DCP1A: variants seen among roughly 807,000 people sequenced by gnomAD.
The protein encoded by DCP1A is decapping mRNA 1A, also known as mRNA-decapping enzyme 1A.
Under a neutral mutation model 58.0 loss-of-function variants are expected in DCP1A, and 20 were observed. That is an observed-to-expected ratio of 0.34 (90% CI 0.24 to 0.50). The LOEUF (loss-of-function observed/expected upper bound fraction) is 0.50, where lower values mean the gene tolerates loss of function less well. Ranked by LOEUF, DCP1A falls within the 20% of genes least tolerant of loss-of-function variation. The pLI, the probability that DCP1A is intolerant of heterozygous loss-of-function variation, is 0.98. For missense variants in DCP1A, 613 were observed against 712.2 expected, an observed-to-expected ratio of 0.86 and a Z score of 1.59; for synonymous variants, 285 against 275.1, an observed-to-expected ratio of 1.04 and a Z score of -0.36.
intron 6 of DCP1A, among the ~76,000 whole-genome samples, chr3:53,301,896 A>G (rs1168171616): frequency 3.9e-5 from 6 of 152,248 alleles, no homozygotes; most frequent in Non-Finnish European, 8.8e-5. Context: ...TATTCTTGAA[A>G]TGACATTATA....
chr3:53,344,753 C>T, intron 2 of DCP1A, 149 bp downstream of exon 2: 1 of 527,382 alleles, frequency 1.9e-6, no homozygotes, highest in South Asian at 3.0e-5. Flanking sequence ...AAGAAAGAAC[C>T]TGGTTAAGAT....
At chr3:53,345,292 G>A (rs1553693033) in intron 1 of DCP1A, among the ~76,000 whole-genome samples, 1 of 152,108 alleles carries the variant, frequency 6.6e-6, no homozygotes, top group African/African-American at 2.4e-5. Flanking sequence ...CTAAGGTCCT[G>A]TATACTGCAA....
intron 3 of DCP1A, among the ~76,000 whole-genome samples, chr3:53,340,994 T>C (rs1387839933): frequency 6.6e-6 from 1 of 152,138 alleles, no homozygotes; most frequent in Non-Finnish European, 1.5e-5. Flanking sequence ...ACTGTATCGT[T>C]AACATTAAAG....
intron 5 of DCP1A, among the ~76,000 whole-genome samples, chr3:53,307,525 G>A (rs1279357008): frequency 6.6e-6 from 1 of 152,126 alleles, no homozygotes; most frequent in Non-Finnish European, 1.5e-5. Context: ...CAATTCTTAA[G>A]TATAAGCAAT....
In DCP1A at chr3:53,292,600, G is replaced by A; in HGVS notation, c.852C>T (p.Val284=). 1 of 1,613,860 alleles carries A rather than the reference G, an allele frequency of 6.2e-7. No homozygotes were observed. Among genetic ancestry groups the A allele is most frequent in the Non-Finnish European group, 8.5e-7 (1 of 1,179,842 alleles). ...LGVPSAAHHS[V]QPEITTPVLI... ...GCACCGGGGTGGTGATTTCAGGCTG[G>A]ACTGAATGGTGGGCAGCAGAAGGGA... The change falls in exon 7 of 10, where the codon GTC becomes GTT. Residue 284 remains valine, a synonymous_variant. Transcript: ENST00000610213.
At chr3:53,301,083 G>A (rs1222921460) in intron 6 of DCP1A, among the ~76,000 whole-genome samples, 1 of 152,088 alleles carries the variant, frequency 6.6e-6, no homozygotes, top group African/African-American at 2.4e-5. Flanking sequence ...TTTAGAAAGG[G>A]GAAGTAGTAA....
At chr3:53,295,995 C>A (rs572024767) in intron 6 of DCP1A, among the ~76,000 whole-genome samples, 1 of 151,558 alleles carries the variant, frequency 6.6e-6, no homozygotes, top group South Asian at 2.1e-4. Context: ...CAGGTTCAAG[C>A]GATTCTTATG....
chr3:53,327,506 C>A (rs1311444715), intron 3 of DCP1A, among the ~76,000 whole-genome samples: 1 of 152,188 alleles, frequency 6.6e-6, no homozygotes, highest in East Asian at 1.9e-4. Context: ...AAAGAAAAAG[C>A]TGGCCGGGTG....
intron 3 of DCP1A, among the ~76,000 whole-genome samples, chr3:53,320,391 G>GA (rs34637646): frequency 0.7 from 106,064 of 151,820 alleles, 37,818 homozygotes; most frequent in Non-Finnish European, 0.77. Flanking sequence ...AGGTAGAGTA[G>GA]AATACTGAAC....
chr3:53,332,429 T>C (rs1553691409), intron 3 of DCP1A, among the ~76,000 whole-genome samples: 1 of 152,258 alleles, frequency 6.6e-6, no homozygotes, highest in Non-Finnish European at 1.5e-5. Flanking sequence ...TGGCTTCTTG[T>C]TTTTAAAAAT....
chr3:53,291,467 C>T (rs543218743), intron 7 of DCP1A, among the ~76,000 whole-genome samples: 1 of 151,112 alleles, frequency 6.6e-6, no homozygotes, highest in South Asian at 2.1e-4. Flanking sequence ...ATCCCCACCT[C>T]CCCCCACCTT....
intron 4 of DCP1A, among the ~76,000 whole-genome samples, chr3:53,318,322 TAAAATAAAATA>T (rs1553689486): frequency 6.6e-6 from 1 of 152,002 alleles, no homozygotes; most frequent in African/African-American, 2.4e-5. Context: ...CCAAATAAAG[TAAAATAAAATA>T]AAAATAAAAT....
chr3:53,317,133 T>C (rs1707836518), intron 4 of DCP1A, among the ~76,000 whole-genome samples: 1 of 152,202 alleles, frequency 6.6e-6, no homozygotes, highest in Admixed American at 6.6e-5. Context: ...TAACCATGAA[T>C]CAACAACCCT....
intron 3 of DCP1A, among the ~76,000 whole-genome samples, chr3:53,333,380 G>A (rs562136217): frequency 5.9e-5 from 9 of 151,942 alleles, no homozygotes; most frequent in South Asian, 4.2e-4. Flanking sequence ...TCCTGACCTC[G>A]TGATCCACCC....
intron 4 of DCP1A, among the ~76,000 whole-genome samples, chr3:53,316,073 T>A (rs1326427704): frequency 1.3e-5 from 2 of 152,120 alleles, no homozygotes; most frequent in African/African-American, 4.8e-5. Flanking sequence ...TCAGTTTTTT[T>A]ACTTGGAGGA....
Position 53,344,887 on chromosome 3 carries a change from A to AT in DCP1A, c.176+14dup. The stretch of plus-strand genomic sequence containing the variant: ...TAGACTGTTAAAAACAAATATACAT[A>AT]TTTTAAAAACTTACCTTCGATATAC... On this transcript the variant is annotated intron_variant, in intron 2 of 9. Coordinates refer to ENST00000610213, the MANE Select transcript of DCP1A (RefSeq NM_018403.7). 6.4e-7 allele frequency: 1 copy of AT among 1,568,834 alleles called. No homozygotes were observed. The highest frequency in any genetic ancestry group is 8.8e-7 in the Non-Finnish European group (1 of 1,142,722).
intron 6 of DCP1A, among the ~76,000 whole-genome samples, chr3:53,302,067 T>C (rs1488354122): frequency 2.0e-5 from 3 of 152,118 alleles, no homozygotes; most frequent in Non-Finnish European, 4.4e-5. Flanking sequence ...ATCTTGACTG[T>C]GGTAGTGGAT....
At chr3:53,339,135 A>G (rs1348942774) in intron 3 of DCP1A, among the ~76,000 whole-genome samples, 2 of 152,156 alleles carry the variant, frequency 1.3e-5, no homozygotes, top group Admixed American at 6.5e-5. Flanking sequence ...ATCCCTAAAC[A>G]ACTTAATAGC....
chr3:53,303,899 T>G (rs1043275776), intron 6 of DCP1A, among the ~76,000 whole-genome samples: 4 of 151,994 alleles, frequency 2.6e-5, no homozygotes, highest in Non-Finnish European at 5.9e-5. Context: ...AGCAGAGGAG[T>G]GCCATGATCT....
Sources: gnomAD v4.1 joint callset for allele counts (sites outside exome capture counted in the v4.1 genomes callset) on GRCh38, gnomAD v4.1.1 for gene constraint, MANE v1.5 for transcripts, NCBI Gene and HGNC (gene_info 2026-07-23, HGNC 2026-07-21) for gene names.